Variants in MAP3K20 observed in about 807,000 individuals in gnomAD.
MAP3K20 encodes the protein mitogen-activated protein kinase kinase kinase 20.
MAP3K20 carries 40 observed loss-of-function variants against 85.7 expected under a neutral mutation model. The ratio of observed to expected loss-of-function variants is 0.47; its 90% CI spans 0.36 to 0.61. MAP3K20 has a LOEUF of 0.61. Among genes scored for constraint, MAP3K20 ranks in the 20% least tolerant of loss-of-function variants. MAP3K20 has a pLI of 0.00. For synonymous variants in MAP3K20, 325 were observed against 327.7 expected, an observed-to-expected ratio of 0.99 and a Z score of 0.09; for missense variants, 817 against 961.7, an observed-to-expected ratio of 0.85 and a Z score of 1.99.
chr2:173,174,888 A>G (rs907944209), intron 3 of MAP3K20, among the ~76,000 whole-genome samples: 1 of 152,202 alleles, frequency 6.6e-6, no homozygotes, highest in Non-Finnish European at 1.5e-5. Context: ...CTGGATATTT[A>G]TCTCAAGCTA....
intron 2 of MAP3K20, among the ~76,000 whole-genome samples, chr2:173,105,408 G>A (rs1485649988): frequency 6.6e-6 from 1 of 152,220 alleles, no homozygotes; most frequent in African/African-American, 2.4e-5. Flanking sequence ...GGGAAATCAA[G>A]AGAGGAGCAG....
intron 12 of MAP3K20, among the ~76,000 whole-genome samples, chr2:173,231,326 C>T (rs1165855308): frequency 1.3e-5 from 2 of 152,204 alleles, no homozygotes; most frequent in African/African-American, 4.8e-5. Context: ...AACTTGGCAC[C>T]AGTTGCCACT....
At chr2:173,257,173 G>C (rs1685180530) in intron 16 of MAP3K20, among the ~76,000 whole-genome samples, 1 of 151,918 alleles carries the variant, frequency 6.6e-6, no homozygotes, top group South Asian at 2.1e-4. Context: ...CAAAAAAATT[G>C]TTTTAATAAT....
Position 173,190,914 on chromosome 2 carries a change from A to T in MAP3K20, c.435A>T (p.Gly145=), listed in dbSNP as rs773651436. 6.3e-7 allele frequency: 1 copy of T among 1,597,998 alleles called. No homozygotes were observed. Among genetic ancestry groups the T allele is most frequent in the Non-Finnish European group, 8.6e-7 (1 of 1,168,906 alleles). The change falls in exon 6 of 20, where the codon GGA becomes GGT. Residue 145 remains glycine, a synonymous_variant. Transcript: ENST00000375213. The part of the protein sequence containing the change: ...KSRNVVIAAD[G]VLKICDFGAS... ...TTTTAGTTGTTATAGCTGCTGATGG[A>T]GTATTGAAGGTAGGACTATTTCTTT...
At chr2:173,264,007 C>A in intron 19 of MAP3K20, 112 bp downstream of exon 19, 1 of 1,401,942 alleles carries the variant, frequency 7.1e-7, no homozygotes, top group Non-Finnish European at 9.4e-7. Flanking sequence ...TAAGATCTAT[C>A]TTTGAGCTTC....
At chr2:173,266,004 A>G in intron 19 of MAP3K20, 46 bp from the exon 20 acceptor site, 3 of 1,518,148 alleles carry the variant, frequency 2.0e-6, no homozygotes, top group Middle Eastern at 1.9e-4. Context: ...TTAGACATGC[A>G]GCTTTAGTGT....
intron 7 of MAP3K20, among the ~76,000 whole-genome samples, chr2:173,197,164 A>G (rs1574098721): frequency 6.6e-6 from 1 of 152,320 alleles, no homozygotes; most frequent in Non-Finnish European, 1.5e-5. Flanking sequence ...TGGTAGACTC[A>G]CATTTTTGAA....
chr2:173,262,629 A>C (rs1685324111), intron 18 of MAP3K20, among the ~76,000 whole-genome samples: 1 of 152,122 alleles, frequency 6.6e-6, no homozygotes, highest in African/African-American at 2.4e-5. Flanking sequence ...AAAGCAAAGC[A>C]ATACAAACTC....
At chr2:173,130,838 G>C (rs1270663195) in intron 2 of MAP3K20, among the ~76,000 whole-genome samples, 1 of 152,224 alleles carries the variant, frequency 6.6e-6, no homozygotes, top group Non-Finnish European at 1.5e-5. Context: ...TTTATGCCAT[G>C]TAAGTGCAAA....
chr2:173,254,314 G>A (rs544737823), intron 16 of MAP3K20, among the ~76,000 whole-genome samples: 3 of 151,420 alleles, frequency 2.0e-5, no homozygotes, highest in Non-Finnish European at 2.9e-5. Context: ...TGTAGTCCCA[G>A]CTACTCTGAA....
intron 2 of MAP3K20, among the ~76,000 whole-genome samples, chr2:173,139,092 G>A (rs972586845): frequency 6.6e-6 from 1 of 152,086 alleles, no homozygotes; most frequent in African/African-American, 2.4e-5. Context: ...TCAGTGCTTT[G>A]CCATTTGTAA....
intron 10 of MAP3K20, among the ~76,000 whole-genome samples, chr2:173,216,587 ACCAC>A (rs1181716312): frequency 6.6e-6 from 1 of 151,842 alleles, no homozygotes; most frequent in Non-Finnish European, 1.5e-5. Flanking sequence ...TACTATAACC[ACCAC>A]CCCTTACAAC....
chr2:173,113,788 G>C (rs147626892), intron 2 of MAP3K20, among the ~76,000 whole-genome samples: 2 of 151,966 alleles, frequency 1.3e-5, no homozygotes, highest in South Asian at 4.1e-4. Flanking sequence ...AGTTTATTGA[G>C]GTTGGTTTTA....
At chr2:173,124,529 G>A (rs1338968800) in intron 2 of MAP3K20, among the ~76,000 whole-genome samples, 2 of 152,148 alleles carry the variant, frequency 1.3e-5, no homozygotes, top group Non-Finnish European at 2.9e-5. Context: ...CACCTACTAG[G>A]GTGCTGGTGA....
chr2:173,117,234 A>G (rs1465194911), intron 2 of MAP3K20, among the ~76,000 whole-genome samples: 1 of 152,158 alleles, frequency 6.6e-6, no homozygotes, highest in Non-Finnish European at 1.5e-5. Flanking sequence ...ATGCCTGAAG[A>G]GTTTCTTTTT....
chr2:173,165,195 G>C (rs918872275), intron 2 of MAP3K20, among the ~76,000 whole-genome samples: 3 of 151,954 alleles, frequency 2.0e-5, no homozygotes, highest in Non-Finnish European at 4.4e-5. Flanking sequence ...GATCATCTGA[G>C]ATCAGGAGTT....
chr2:173,243,647 TC>T (rs1684844955), intron 16 of MAP3K20, among the ~76,000 whole-genome samples: 1 of 152,198 alleles, frequency 6.6e-6, no homozygotes, highest in Non-Finnish European at 1.5e-5. Flanking sequence ...AGACGGAATC[TC>T]GCTCTTTCGC....
intron 1 of MAP3K20, among the ~76,000 whole-genome samples, chr2:173,076,754 G>A (rs1268979905): frequency 3.3e-5 from 5 of 152,190 alleles, no homozygotes; most frequent in Non-Finnish European, 5.9e-5. Context: ...CACCGGAGCC[G>A]GGGATGTCTC....
chr2:173,140,641 C>T (rs1203256203), intron 2 of MAP3K20, among the ~76,000 whole-genome samples: 1 of 152,194 alleles, frequency 6.6e-6, no homozygotes, highest in African/African-American at 2.4e-5. Context: ...TGAGCCACTG[C>T]ATCCAGCCCA....
Sources: allele counts gnomAD v4.1 joint callset (sites outside exome capture counted in the v4.1 genomes callset), GRCh38; gene constraint gnomAD v4.1.1; transcripts MANE v1.5; gene names NCBI Gene and HGNC (gene_info 2026-07-23, HGNC 2026-07-21).